Variants in LIG3 observed in about 807,000 individuals in gnomAD.
LIG3 encodes DNA ligase 3.
Under a neutral mutation model 110.9 loss-of-function variants are expected in LIG3, and 58 were observed. That is an observed-to-expected ratio of 0.52 (90% CI 0.42 to 0.65). LIG3 has a LOEUF of 0.65. Ranked by LOEUF, LIG3 falls within the 30% of genes least tolerant of loss-of-function variation. The probability of loss-of-function intolerance (pLI) is 0.00; values close to 1 mark genes in which losing one functional copy is unlikely to be tolerated. For synonymous variants in LIG3, 422 were observed against 472.8 expected, an observed-to-expected ratio of 0.89 and a Z score of 1.39; for missense variants, 1,094 against 1,273.8, an observed-to-expected ratio of 0.86 and a Z score of 2.15.
Position 35,004,375 on chromosome 17 carries a change from G to A in LIG3, c.2899G>A (p.Val967Ile). ...CTTTGTGGCATTCGACGGGGACCTG[G>A]TACAGGAATTTGATATGACTTCAGC... ...RYFVAFDGDL[V>I]QEFDMTSATH... Residue 967 changes from valine (V) to isoleucine (I), a missense_variant, in exon 20 of 20, where the codon GTA (valine) becomes ATA (isoleucine). By Grantham distance (29) the Val-to-Ile change is conservative. Coordinates refer to ENST00000378526, the MANE Select transcript of LIG3 (RefSeq NM_013975.4). 7 of 1,614,192 alleles carry A rather than the reference G, an allele frequency of 4.3e-6. No homozygotes were observed. The highest frequency in any genetic ancestry group is 5.9e-6 in the Non-Finnish European group (7 of 1,180,036).
chr17:35,003,989 T>C (rs2090872303), intron 19 of LIG3: 1 of 384,102 alleles, frequency 2.6e-6, no homozygotes, highest in Middle Eastern at 7.6e-4. Context: ...CTGCCCACCA[T>C]GACTGGGTGG....
In LIG3 at chr17:35,004,332, C is replaced by T. The variant is rs1013620324; in HGVS notation, c.2856C>T (p.Phe952=). The change falls in exon 20 of 20, where the codon TTC becomes TTT. Residue 952 remains phenylalanine (F), a synonymous_variant. Transcript: ENST00000378526. ...ACTTGCCACCCTCCACACCAGACTT[C>T]AGCCGTCTCAGACGCTACTTTGTGG... ...RLYLPPSTPD[F]SRLRRYFVAF... is the part of the protein sequence containing the mutation. 6 of 1,614,056 alleles carry T rather than the reference C, an allele frequency of 3.7e-6. No homozygotes were observed. The African/African-American group carries it at 6.7e-5, about 18-fold the overall frequency.
In LIG3 at chr17:35,002,766, G is replaced by A; in HGVS notation, c.2773G>A (p.Asp925Asn). ...VKVGEKRKAA[D>N]ETLCQTKVLL... ...AGTAGGGGAGAAGCGGAAAGCTGCT[G>A]ATGAGACGCTGTGCCAAACAAAGGT... The change falls in exon 19 of 20, where the codon GAT becomes AAT. Residue 925 changes from aspartate (D) to asparagine (N), a missense_variant. By Grantham distance (23) the Asp-to-Asn change is conservative. Coordinates refer to ENST00000378526, the MANE Select transcript of LIG3 (RefSeq NM_013975.4). The A allele has an allele frequency of 6.2e-7, 1 of 1,608,512 alleles. No homozygotes were observed. Among genetic ancestry groups the A allele is most frequent in the South Asian group, 1.1e-5 (1 of 90,132 alleles).
chr17:34,987,570 T>C (rs3135971), intron 3 of LIG3, among the ~76,000 whole-genome samples: 2 of 152,130 alleles, frequency 1.3e-5, no homozygotes, highest in Admixed American at 1.3e-4. Context: ...TGAAAGACAT[T>C]TTATGTGATT....
chr17:34,985,529 A>G (rs994859836), intron 2 of LIG3, among the ~76,000 whole-genome samples: 2 of 152,190 alleles, frequency 1.3e-5, no homozygotes, highest in East Asian at 3.9e-4. Flanking sequence ...TGACTCAGAT[A>G]ACTAAGCATC....
At chr17:35,002,974 T>C in intron 19 of LIG3, 185 bp downstream of exon 19, 2 of 1,614,124 alleles carry the variant, frequency 1.2e-6, no homozygotes, top group Non-Finnish European at 1.7e-6. Context: ...GCTCACCCTA[T>C]GTCCTCTTGT....
At chr17:34,987,287 A>G (rs1228596431) in intron 3 of LIG3, among the ~76,000 whole-genome samples, 3 of 152,194 alleles carry the variant, frequency 2.0e-5, no homozygotes, top group Admixed American at 6.5e-5. Flanking sequence ...GGGCTTTTAT[A>G]TATGTAGTTT....
Position 34,994,282 on chromosome 17 carries a change from G to T in LIG3, c.1462G>T (p.Ala488Ser). Residue 488 changes from alanine (A) to serine (S), a missense_variant, in exon 9 of 20, where the codon GCC becomes TCC. By Grantham distance (99) the Ala-to-Ser change is moderately conservative. Transcript: ENST00000378526. ...TTGCTTTCCCCACCCCAAGGCGGAG[G>T]CCTGCAAGTCCGTTGAGTATGCAAT... ...MTPVQPMLAE[A>S]CKSVEYAMKK... is the part of the protein sequence containing the mutation. The T allele has an allele frequency of 6.2e-7, 1 of 1,612,040 alleles. No individual in the cohort carries two copies. The highest frequency in any genetic ancestry group is 1.1e-5 in the South Asian group (1 of 90,904).
Position 35,001,837 on chromosome 17 carries a change from C to A in LIG3, c.2479-72C>A, listed in dbSNP as rs996473681. ...TGTTCCCATATGCGCCTAAAATACA[C>A]CACACACACCACCTCTGAGGCCAGA... On this transcript the variant is annotated intron_variant, in intron 17 of 19. Transcript: ENST00000378526. 3.6e-6 allele frequency: 5 copies of A among 1,395,756 alleles called. No individual in the cohort carries two copies. The African/African-American group carries it at 7.3e-5, about 20-fold the overall frequency. 86.5% of individuals were successfully genotyped at this position (1,395,756 alleles called of 1,614,324 possible).
At position 35,005,748 on chromosome 17, in the gene LIG3, T is replaced by C; in HGVS notation, c.*1242T>C. The C allele has an allele frequency of 9.0e-6, 5 of 558,328 alleles. No individual in the cohort carries two copies. The highest frequency in any genetic ancestry group is 1.8e-5 in the Non-Finnish European group (5 of 278,820). The allele number at this position is 558,328 out of a possible 1,614,324, so 34.6% of individuals were successfully genotyped here. A position where few individuals can be genotyped will look rare whatever the true frequency, so the allele number is the denominator to read the frequency against. ...GGGCTATCTGATGGGTTAGAGCGCC[T>C]TTAAGAAGAAATCAGTGGATACTGG... On this transcript the variant is annotated 3_prime_UTR_variant, in exon 20 of 20. Coordinates refer to ENST00000378526, the MANE Select transcript of LIG3 (RefSeq NM_013975.4).
intron 1 of LIG3, among the ~76,000 whole-genome samples, chr17:34,982,283 A>G (rs2090604267): frequency 6.6e-6 from 1 of 152,160 alleles, no homozygotes; most frequent in African/African-American, 2.4e-5. Context: ...ATTTCTGAGG[A>G]TGGCATATGT....
intron 4 of LIG3, among the ~76,000 whole-genome samples, chr17:34,990,509 G>A (rs766103590): frequency 3.9e-5 from 6 of 152,142 alleles, no homozygotes; most frequent in African/African-American, 4.8e-5. Flanking sequence ...CAAACTCCTG[G>A]ATTCAATTAA....
intron 8 of LIG3, among the ~76,000 whole-genome samples, chr17:34,993,063 T>C (rs1430829888): frequency 1.3e-5 from 2 of 152,176 alleles, no homozygotes; most frequent in Non-Finnish European, 2.9e-5. Context: ...AAGTAACCCC[T>C]GAGATTCTGT....
chr17:34,996,378 G>A, intron 10 of LIG3, 183 bp downstream of exon 10: 2 of 835,120 alleles, frequency 2.4e-6, no homozygotes. Context: ...GGCTGGTATT[G>A]GGAACCAGTT....
intron 1 of LIG3, chr17:34,981,472 CA>C (rs927988633): frequency 6.6e-6 from 1 of 152,204 alleles, no homozygotes; most frequent in African/African-American, 2.4e-5. Context: ...ATTTTGTATA[CA>C]TTTTTAGAGA....
chr17:35,010,716 C>T (rs1461963127), downstream of LIG3: 1 of 148,544 alleles, frequency 6.7e-6, no homozygotes, highest in Non-Finnish European at 1.5e-5. Context: ...TGTACCACTG[C>T]ACTCCAGCCT....
In LIG3 at chr17:35,007,445, T is replaced by A. The variant is rs549698390; in HGVS notation, c.*2939T>A. The stretch of plus-strand genomic sequence containing the variant: ...TCCAGCAGAATGCTGGAGGCCTCCC[T>A]CTTCTGAACCTCTACATGCTGCTGG... On this transcript the variant is annotated 3_prime_UTR_variant, in exon 20 of 20. Coordinates refer to ENST00000378526, the MANE Select transcript of LIG3 (RefSeq NM_013975.4). 1.3e-5 allele frequency: 2 copies of A among 152,334 alleles called. No individual in the cohort carries two copies. The highest frequency in any genetic ancestry group is 4.1e-4 in the South Asian group (2 of 4,832). The allele number at this position is 152,334 out of a possible 1,614,324, so 9.4% of individuals were successfully genotyped here.
At chr17:34,984,668 C>G (rs2090637573) in intron 2 of LIG3, among the ~76,000 whole-genome samples, 1 of 148,994 alleles carries the variant, frequency 6.7e-6, no homozygotes, top group Admixed American at 6.7e-5. Flanking sequence ...TTTTGAGAGT[C>G]TCACTCTGAC....
rs2142298670 is a variant in LIG3, at chr17:35,006,090, T to G, written c.*1584T>G. ...CACCTGAGAACAGATCCATACAACCTGCTTACAAAGAACAGCTCCTGTGCT... is the reference window on the plus strand; with the variant it reads ...CACCTGAGAACAGATCCATACAACCGGCTTACAAAGAACAGCTCCTGTGCT... On this transcript the variant is annotated 3_prime_UTR_variant, in exon 20 of 20. Coordinates refer to ENST00000378526, the MANE Select transcript of LIG3 (RefSeq NM_013975.4). The G allele has an allele frequency of 5.6e-6, 1 of 179,458 alleles. No individual in the cohort carries two copies. Among genetic ancestry groups the G allele is most frequent in the African/African-American group, 2.4e-5 (1 of 41,854 alleles). The allele number at this position is 179,458 out of a possible 1,614,324, so 11.1% of individuals were successfully genotyped here.
Sources: gnomAD v4.1 joint callset for allele counts (sites outside exome capture counted in the v4.1 genomes callset) on GRCh38, gnomAD v4.1.1 for gene constraint, MANE v1.5 for transcripts, NCBI Gene and HGNC (gene_info 2026-07-23, HGNC 2026-07-21) for gene names.